RNF220: variants seen among roughly 807,000 people sequenced by gnomAD.
RNF220 encodes ring finger protein 220, also known as E3 ubiquitin-protein ligase RNF220.
In RNF220, 7 loss-of-function variants were observed where a neutral mutation model predicts 67.1. The observed-to-expected ratio is 0.10, with a 90% confidence interval of 0.06 to 0.20. RNF220 has a LOEUF of 0.20. Among genes scored for constraint, RNF220 ranks in the 10% least tolerant of loss-of-function variants. The pLI is 1.00. For missense variants in RNF220, 565 were observed against 740.3 expected, an observed-to-expected ratio of 0.76 and a Z score of 2.75; for synonymous variants, 270 against 283.2, an observed-to-expected ratio of 0.95 and a Z score of 0.47.
intron 2 of RNF220, among the ~76,000 whole-genome samples, chr1:44,546,846 A>G (rs1023376176): frequency 4.6e-5 from 7 of 152,192 alleles, no homozygotes; most frequent in Non-Finnish European, 8.8e-5. Context: ...CCCACCTGCT[A>G]TGGACAACTG....
intron 2 of RNF220, among the ~76,000 whole-genome samples, chr1:44,582,681 C>T (rs150299650): frequency 4.7e-4 from 70 of 148,832 alleles, no homozygotes; most frequent in African/African-American, 1.6e-3. Context: ...TGATTGAATC[C>T]GGAAGGCGGA....
At chr1:44,512,604 G>T (rs548815218) in intron 2 of RNF220, among the ~76,000 whole-genome samples, 1 of 152,340 alleles carries the variant, frequency 6.6e-6, no homozygotes, top group African/African-American at 2.4e-5. Context: ...TAAAGCAACA[G>T]CTTGAACCTG....
intron 2 of RNF220, among the ~76,000 whole-genome samples, chr1:44,529,724 A>C (rs190648340): frequency 6.6e-6 from 1 of 152,298 alleles, no homozygotes; most frequent in East Asian, 1.9e-4. Context: ...AAAACATAAA[A>C]GCACGACAGA....
At chr1:44,491,946 G>T (rs1656896088) in intron 2 of RNF220, among the ~76,000 whole-genome samples, 1 of 152,142 alleles carries the variant, frequency 6.6e-6, no homozygotes. Context: ...TTACAGGTGT[G>T]AGCCACTGTG....
At chr1:44,605,421 CT>C (rs980576687) in intron 2 of RNF220, among the ~76,000 whole-genome samples, 1 of 152,160 alleles carries the variant, frequency 6.6e-6, no homozygotes, top group African/African-American at 2.4e-5. Context: ...GCATCTGCCT[CT>C]TTGGGGATTT....
At chr1:44,518,691 A>G (rs1343926051) in intron 2 of RNF220, among the ~76,000 whole-genome samples, 1 of 152,104 alleles carries the variant, frequency 6.6e-6, no homozygotes, top group South Asian at 2.1e-4. Flanking sequence ...CCTGGCTAAC[A>G]CAGTGAAACC....
intron 2 of RNF220, among the ~76,000 whole-genome samples, chr1:44,439,126 G>A (rs1247117090): frequency 2.0e-5 from 3 of 152,164 alleles, no homozygotes; most frequent in African/African-American, 7.2e-5. Context: ...ATTCTCGAAA[G>A]TAGAAATGTT....
chr1:44,420,893 T>C (rs949708816), intron 2 of RNF220, among the ~76,000 whole-genome samples: 13 of 152,230 alleles, frequency 8.5e-5, no homozygotes, highest in African/African-American at 3.1e-4. Context: ...TCAAGGACAA[T>C]CTGGTGGTAA....
At chr1:44,411,748 C>G (rs1251042056) in intron 1 of RNF220, among the ~76,000 whole-genome samples, 1 of 152,094 alleles carries the variant, frequency 6.6e-6, no homozygotes, top group African/African-American at 2.4e-5. Context: ...GCATTTCACC[C>G]AGAACGTGTA....
rs184267795 is a variant in RNF220, at chr1:44,473,929, G to C, written c.625+61207G>C. On this transcript the variant is annotated intron_variant, in intron 2 of 14. Transcript: ENST00000361799. Reference sequence around the variant, plus strand: ...CTTGTGTGCTTACCATAACTCAGCTGTACTTGTTTCTAAGCCTCTTTATAC... The same window carrying C: ...CTTGTGTGCTTACCATAACTCAGCTCTACTTGTTTCTAAGCCTCTTTATAC... Among the ~76,000 whole-genome samples the C allele has an allele frequency of 2.0e-5, 3 of 152,180 alleles. No individual in the cohort carries two copies. In the East Asian group the frequency reaches 5.8e-4, roughly 29 times the overall value.
intron 2 of RNF220, among the ~76,000 whole-genome samples, chr1:44,451,237 AAG>A (rs1487416549): frequency 5.9e-5 from 9 of 152,126 alleles, no homozygotes; most frequent in African/African-American, 1.9e-4. Flanking sequence ...TCCCATCCAA[AAG>A]AGAGAATATT....
At chr1:44,570,527 C>T (rs1362651499) in intron 2 of RNF220, among the ~76,000 whole-genome samples, 1 of 152,192 alleles carries the variant, frequency 6.6e-6, no homozygotes, top group Admixed American at 6.5e-5. Context: ...GTCCCCGAGA[C>T]TATGTGGTTA....
At chr1:44,472,970 G>C (rs932136530) in intron 2 of RNF220, among the ~76,000 whole-genome samples, 1 of 152,128 alleles carries the variant, frequency 6.6e-6, no homozygotes, top group Non-Finnish European at 1.5e-5. Flanking sequence ...ATACGTTCCG[G>C]ACAGGATGAT....
intron 2 of RNF220, among the ~76,000 whole-genome samples, chr1:44,528,534 T>G (rs1368746197): frequency 4.6e-5 from 7 of 151,772 alleles, no homozygotes; most frequent in Non-Finnish European, 8.8e-5. Flanking sequence ...TCTCTTGACC[T>G]TGTGATCCAC....
At chr1:44,532,250 G>A (rs953200893) in intron 2 of RNF220, among the ~76,000 whole-genome samples, 2 of 152,136 alleles carry the variant, frequency 1.3e-5, no homozygotes, top group African/African-American at 2.4e-5. Context: ...TTATGAATGC[G>A]GCTGGAAGTC....
chr1:44,518,382 C>T (rs1659629267), intron 2 of RNF220, among the ~76,000 whole-genome samples: 1 of 151,952 alleles, frequency 6.6e-6, no homozygotes, highest in Admixed American at 6.6e-5. Flanking sequence ...CTATGATCAC[C>T]CCACTGCACC....
intron 2 of RNF220, among the ~76,000 whole-genome samples, chr1:44,548,027 C>T (rs1183814966): frequency 3.3e-5 from 5 of 152,164 alleles, no homozygotes; most frequent in African/African-American, 4.8e-5. Flanking sequence ...CTACCACGAA[C>T]AGTACCGCTA....
chr1:44,466,347 G>A (rs753196759), intron 2 of RNF220, among the ~76,000 whole-genome samples: 11 of 152,108 alleles, frequency 7.2e-5, no homozygotes, highest in African/African-American at 2.2e-4. Flanking sequence ...CTCCACTAAG[G>A]TCTTGAAACC....
At chr1:44,619,147 T>A (rs1643686944) in intron 3 of RNF220, among the ~76,000 whole-genome samples, 1 of 152,118 alleles carries the variant, frequency 6.6e-6, no homozygotes, top group Non-Finnish European at 1.5e-5. Flanking sequence ...GGAGTTTCCA[T>A]CCAGAGAGAT....
Sources: allele counts gnomAD v4.1 joint callset (sites outside exome capture counted in the v4.1 genomes callset), GRCh38; gene constraint gnomAD v4.1.1; transcripts MANE v1.5; gene names NCBI Gene and HGNC (gene_info 2026-07-23, HGNC 2026-07-21).